RNF150: variants seen among roughly 807,000 people sequenced by gnomAD.
RNF150 encodes the protein ring finger protein 150.
In RNF150, 24 loss-of-function variants were observed where a neutral mutation model predicts 39.3. The observed-to-expected ratio is 0.61, with a 90% CI of 0.44 to 0.86. The LOEUF is 0.86. Among genes scored for constraint, RNF150 ranks in the 40% least tolerant of loss-of-function variants. The pLI, the probability that RNF150 is intolerant of heterozygous loss-of-function variation, is 0.00. For synonymous variants in RNF150, 255 were observed against 227.3 expected, an observed-to-expected ratio of 1.12 and a Z score of -1.10; for missense variants, 502 against 587.8, an observed-to-expected ratio of 0.85 and a Z score of 1.51.
intron 1 of RNF150, among the ~76,000 whole-genome samples, chr4:141,042,157 A>T (rs1736397572): frequency 6.6e-6 from 1 of 152,076 alleles, no homozygotes; most frequent in East Asian, 1.9e-4. Context: ...TGAGGAAAAA[A>T]ATCAATAAAC....
At chr4:140,983,585 G>A (rs1052454069) in intron 1 of RNF150, among the ~76,000 whole-genome samples, 1 of 152,078 alleles carries the variant, frequency 6.6e-6, no homozygotes, top group African/African-American at 2.4e-5. Flanking sequence ...TGCCATTGGT[G>A]AATCTGGCCT....
At chr4:141,006,992 A>G (rs557447074) in intron 1 of RNF150, among the ~76,000 whole-genome samples, 1 of 152,222 alleles carries the variant, frequency 6.6e-6, no homozygotes, top group South Asian at 2.1e-4. Flanking sequence ...CCCTAATGAG[A>G]AAAAAAGTTA....
chr4:140,929,929 G>A (rs66642023), intron 4 of RNF150, among the ~76,000 whole-genome samples: 49,004 of 151,924 alleles, frequency 0.32, 8,332 homozygotes, highest in East Asian at 0.69. Flanking sequence ...CAAGGCAGGC[G>A]GCAGGCAAAT....
At chr4:141,101,515 C>A (rs1739009301) in intron 1 of RNF150, among the ~76,000 whole-genome samples, 1 of 152,008 alleles carries the variant, frequency 6.6e-6, no homozygotes, top group Admixed American at 6.6e-5. Context: ...GAAGCACCTG[C>A]CCAAATGGTT....
At chr4:140,888,625 G>T (rs940051194) in intron 6 of RNF150, among the ~76,000 whole-genome samples, 1 of 152,182 alleles carries the variant, frequency 6.6e-6, no homozygotes, top group Non-Finnish European at 1.5e-5. Flanking sequence ...ACATGAAAGG[G>T]CAAAAGGAAT....
chr4:141,069,916 A>AT, intron 1 of RNF150, among the ~76,000 whole-genome samples: 1 of 151,994 alleles, frequency 6.6e-6, no homozygotes, highest in Non-Finnish European at 1.5e-5. Flanking sequence ...CCCCTTTATC[A>AT]TTTTTTATTG....
At chr4:140,934,145 G>C (rs1731749430) in intron 4 of RNF150, among the ~76,000 whole-genome samples, 1 of 152,080 alleles carries the variant, frequency 6.6e-6, no homozygotes, top group Non-Finnish European at 1.5e-5. Context: ...CAAGCAGCTG[G>C]GACTATAGGC....
chr4:141,027,926 G>GGT (rs1735775433), intron 1 of RNF150, among the ~76,000 whole-genome samples: 2 of 69,124 alleles, frequency 2.9e-5, no homozygotes, highest in African/African-American at 5.4e-5. Flanking sequence ...TTTTTTTTTT[G>GGT]TTTTTTTTTT....
intron 1 of RNF150, among the ~76,000 whole-genome samples, chr4:141,042,313 G>A (rs1441432110): frequency 6.6e-6 from 1 of 152,058 alleles, no homozygotes; most frequent in African/African-American, 2.4e-5. Flanking sequence ...ATACGACTTA[G>A]TCAACAAATT....
intron 1 of RNF150, among the ~76,000 whole-genome samples, chr4:141,049,809 C>T (rs1736710508): frequency 6.6e-6 from 1 of 152,014 alleles, no homozygotes; most frequent in Admixed American, 6.6e-5. Flanking sequence ...ACAACTTAAG[C>T]CCCCTATTAG....
intron 1 of RNF150, among the ~76,000 whole-genome samples, chr4:141,088,761 G>T (rs1424867535): frequency 2.0e-5 from 3 of 151,834 alleles, no homozygotes; most frequent in Non-Finnish European, 4.4e-5. Flanking sequence ...GGGAGAAATG[G>T]GGGCAAGAGA....
chr4:141,033,926 G>GTC (rs1487114036), intron 1 of RNF150, among the ~76,000 whole-genome samples: 1 of 152,096 alleles, frequency 6.6e-6, no homozygotes, highest in East Asian at 1.9e-4. Context: ...AACATAATTC[G>GTC]TAAGGGGGCT....
At chr4:141,137,643 CA>C (rs1282119768), upstream of RNF150, among the ~76,000 whole-genome samples, 2 of 152,062 alleles carry the variant, frequency 1.3e-5, no homozygotes, top group African/African-American at 2.4e-5. Context: ...GAGAGACATC[CA>C]AAATGGCAAT....
At chr4:141,061,357 T>C (rs1737220105) in intron 1 of RNF150, among the ~76,000 whole-genome samples, 1 of 152,114 alleles carries the variant, frequency 6.6e-6, no homozygotes. Flanking sequence ...ACATTGGAGA[T>C]AAATAAAATA....
At chr4:141,169,675 A>AT in intron 1 of RNF150, among the ~76,000 whole-genome samples, 1 of 152,008 alleles carries the variant, frequency 6.6e-6, no homozygotes, top group Non-Finnish European at 1.5e-5. Flanking sequence ...ACTTCAAGTT[A>AT]TTTTATTAAA....
intron 5 of RNF150, 106 bp downstream of exon 5, chr4:140,925,858 ATGTGACTGCTATG>A (rs1731380312): frequency 1.1e-5 from 8 of 700,560 alleles, no homozygotes; most frequent in Non-Finnish European, 2.0e-5. Flanking sequence ...TTGTAAGATG[ATGTGACTGCTATG>A]TGTGACTGAG....
chr4:140,989,287 G>A (rs1052787056), intron 1 of RNF150, among the ~76,000 whole-genome samples: 8 of 151,992 alleles, frequency 5.3e-5, no homozygotes, highest in Non-Finnish European at 1.2e-4. Flanking sequence ...TTGTGATGGT[G>A]GTAATGATTT....
intron 1 of RNF150, among the ~76,000 whole-genome samples, chr4:140,998,414 T>C (rs1734462648): frequency 1.3e-5 from 2 of 152,112 alleles, no homozygotes; most frequent in Non-Finnish European, 2.9e-5. Flanking sequence ...AGTGGGAAAG[T>C]GGTCATCTAC....
intron 1 of RNF150, among the ~76,000 whole-genome samples, chr4:141,116,976 CACCGGAG>C (rs1442992890): frequency 5.9e-5 from 9 of 151,798 alleles, no homozygotes; most frequent in African/African-American, 1.9e-4. Context: ...GAACATCACA[CACCGGAG>C]CCTGTCAGGG....
Sources: gnomAD v4.1 joint callset for allele counts (sites outside exome capture counted in the v4.1 genomes callset) on GRCh38, gnomAD v4.1.1 for gene constraint, MANE v1.5 for transcripts, NCBI Gene and HGNC (gene_info 2026-07-23, HGNC 2026-07-21) for gene names.